HS3ST3A1: variants seen among roughly 807,000 people sequenced by gnomAD.
The protein encoded by HS3ST3A1 is heparan sulfate glucosamine 3-O-sulfotransferase 3A1.
HS3ST3A1 carries 19 observed loss-of-function variants against 25.7 expected under a neutral mutation model. The observed-to-expected ratio is 0.74, with a 90% CI of 0.52 to 1.08. The LOEUF (loss-of-function observed/expected upper bound fraction) is 1.08. Among genes scored for constraint, HS3ST3A1 ranks in the 50% least tolerant of loss-of-function variants. The pLI, the probability that HS3ST3A1 is intolerant of heterozygous loss-of-function variation, is 0.00. For synonymous variants in HS3ST3A1, 226 were observed against 278.6 expected, an observed-to-expected ratio of 0.81 and a Z score of 1.88; for missense variants, 459 against 594.3, an observed-to-expected ratio of 0.77 and a Z score of 2.37.
Position 13,516,422 on chromosome 17 carries a change from C to T in HS3ST3A1, c.600-19604G>A, listed in dbSNP as rs74905437. On this transcript the variant is annotated intron_variant, in intron 1 of 1. Coordinates refer to ENST00000284110, the MANE Select transcript of HS3ST3A1 (RefSeq NM_006042.3). ...GTTTTCCTAGTTTGTAGTTTGACTT[C>T]GCATTTATTTTAACAGTGTCTTTGG... 9.2e-3 allele frequency among the ~76,000 whole-genome samples: 1,405 copies of T among 152,202 alleles called. 26 individuals carry two copies. The highest frequency in any genetic ancestry group is 0.032 in the African/African-American group (1,335 of 41,534).
intron 1 of HS3ST3A1, among the ~76,000 whole-genome samples, chr17:13,591,296 C>T (rs1275231904): frequency 6.6e-6 from 1 of 151,978 alleles, no homozygotes; most frequent in Non-Finnish European, 1.5e-5. Context: ...ATCTGCCCAC[C>T]TCAGCCTCCC....
intron 1 of HS3ST3A1, among the ~76,000 whole-genome samples, chr17:13,568,450 T>G (rs1907727915): frequency 6.6e-6 from 1 of 152,250 alleles, no homozygotes; most frequent in East Asian, 1.9e-4. Flanking sequence ...TATTTTAATC[T>G]GCAGTTTATC....
intron 1 of HS3ST3A1, among the ~76,000 whole-genome samples, chr17:13,550,053 A>G (rs1037200739): frequency 6.6e-6 from 1 of 152,198 alleles, no homozygotes; most frequent in African/African-American, 2.4e-5. Flanking sequence ...CAGAGCCTTA[A>G]AACACTAGCA....
chr17:13,548,257 A>C (rs1467512866), intron 1 of HS3ST3A1, among the ~76,000 whole-genome samples: 1 of 152,110 alleles, frequency 6.6e-6, no homozygotes, highest in Non-Finnish European at 1.5e-5. Context: ...GCATCTAGTG[A>C]GGGCTCTCTC....
Position 13,533,823 on chromosome 17 carries a change from A to G in HS3ST3A1, c.600-37005T>C, listed in dbSNP as rs537181269. On this transcript the variant is annotated intron_variant, in intron 1 of 1. Transcript: ENST00000284110. ...TTGTTTAAAATTCCTGCCTTATTTA[A>G]TGTAACAAATCAGAAGAGAAAGAAC... is the stretch of plus-strand genomic sequence containing the variant. 3.9e-5 allele frequency among the ~76,000 whole-genome samples: 6 copies of G among 152,338 alleles called. No individual in the cohort carries two copies. In the South Asian group the frequency reaches 6.2e-4, roughly 16 times the overall value.
intron 1 of HS3ST3A1, among the ~76,000 whole-genome samples, chr17:13,562,022 G>A (rs901556809): frequency 1.3e-5 from 2 of 152,058 alleles, no homozygotes; most frequent in Admixed American, 6.6e-5. Context: ...ACAAAGTCAC[G>A]CCGCCCATGT....
chr17:13,575,823 G>A (rs998243824), intron 1 of HS3ST3A1, among the ~76,000 whole-genome samples: 13 of 152,240 alleles, frequency 8.5e-5, no homozygotes, highest in African/African-American at 3.1e-4. Flanking sequence ...GTTAGATTGG[G>A]GGAGCTAGAA....
chr17:13,587,828 A>T (rs1182924517), intron 1 of HS3ST3A1, among the ~76,000 whole-genome samples: 1 of 152,214 alleles, frequency 6.6e-6, no homozygotes, highest in East Asian at 1.9e-4. Flanking sequence ...AGAAAATGTC[A>T]TCCTCCCAAA....
At chr17:13,564,995 T>C (rs991992109) in intron 1 of HS3ST3A1, among the ~76,000 whole-genome samples, 39 of 152,154 alleles carry the variant, frequency 2.6e-4, no homozygotes, top group African/African-American at 8.7e-4. Context: ...GTGCTGGGAT[T>C]ACAGACATGA....
intron 1 of HS3ST3A1, among the ~76,000 whole-genome samples, chr17:13,551,358 T>C (rs1907237079): frequency 2.4e-5 from 1 of 41,154 alleles, no homozygotes; most frequent in African/African-American, 7.4e-5. Context: ...AATAAATAAA[T>C]AAATAAATAA....
chr17:13,579,389 T>C (rs1211021835), intron 1 of HS3ST3A1, among the ~76,000 whole-genome samples: 1 of 152,038 alleles, frequency 6.6e-6, no homozygotes, highest in Non-Finnish European at 1.5e-5. Context: ...GGGTAATGAT[T>C]ACTATGAGAT....
At chr17:13,520,118 C>T (rs1906183907) in intron 1 of HS3ST3A1, among the ~76,000 whole-genome samples, 3 of 152,120 alleles carry the variant, frequency 2.0e-5, no homozygotes, top group Non-Finnish European at 1.5e-5. Context: ...AATTCAGTTG[C>T]TTGCCACCAC....
chr17:13,524,265 C>G (rs1389935386), intron 1 of HS3ST3A1, among the ~76,000 whole-genome samples: 3 of 151,848 alleles, frequency 2.0e-5, no homozygotes, highest in African/African-American at 7.3e-5. Context: ...CAAAATTAAG[C>G]CTATATATTT....
At chr17:13,559,132 A>G (rs1907457303) in intron 1 of HS3ST3A1, among the ~76,000 whole-genome samples, 1 of 152,254 alleles carries the variant, frequency 6.6e-6, no homozygotes, top group Admixed American at 6.5e-5. Flanking sequence ...ACTGTTGTGT[A>G]AAACAATGAA....
At chr17:13,519,294 A>G (rs1274437305) in intron 1 of HS3ST3A1, among the ~76,000 whole-genome samples, 1 of 152,242 alleles carries the variant, frequency 6.6e-6, no homozygotes, top group Non-Finnish European at 1.5e-5. Flanking sequence ...CGTTCTAAAA[A>G]GTTTGAGAAT....
At chr17:13,544,164 T>G (rs1483857330) in intron 1 of HS3ST3A1, among the ~76,000 whole-genome samples, 1 of 152,216 alleles carries the variant, frequency 6.6e-6, no homozygotes, top group African/African-American at 2.4e-5. Flanking sequence ...AATATATACA[T>G]TTTTTCTTAC....
At chr17:13,570,172 A>G (rs1907766495) in intron 1 of HS3ST3A1, among the ~76,000 whole-genome samples, 1 of 151,586 alleles carries the variant, frequency 6.6e-6, no homozygotes, top group Admixed American at 6.6e-5. Context: ...CAGAGATGCA[A>G]AGTAAACCAA....
intron 1 of HS3ST3A1, among the ~76,000 whole-genome samples, chr17:13,530,915 G>T (rs951865421): frequency 5.9e-5 from 9 of 152,136 alleles, no homozygotes; most frequent in Non-Finnish European, 1.3e-4. Flanking sequence ...TTTGAGGTGG[G>T]CCAGTGAGGA....
intron 1 of HS3ST3A1, among the ~76,000 whole-genome samples, chr17:13,523,092 G>A (rs1389041528): frequency 6.6e-6 from 1 of 152,170 alleles, no homozygotes; most frequent in Admixed American, 6.5e-5. Context: ...GAAGTTCACA[G>A]AAGACAGAGG....
Sources: allele counts gnomAD v4.1 joint callset (sites outside exome capture counted in the v4.1 genomes callset), GRCh38; gene constraint gnomAD v4.1.1; transcripts MANE v1.5; gene names NCBI Gene and HGNC (gene_info 2026-07-23, HGNC 2026-07-21).